Variants in HERC4 observed in about 807,000 individuals in gnomAD.
The protein encoded by HERC4 is probable E3 ubiquitin-protein ligase HERC4.
In HERC4, 28 loss-of-function variants were observed where a neutral mutation model predicts 124.3. The ratio of observed to expected loss-of-function variants is 0.23; its 90% CI spans 0.17 to 0.31. The LOEUF (loss-of-function observed/expected upper bound fraction) is 0.31. Among genes scored for constraint, HERC4 ranks in the 10% least tolerant of loss-of-function variants. The pLI is 1.00. For synonymous variants in HERC4, 407 were observed against 421.5 expected, an observed-to-expected ratio of 0.97 and a Z score of 0.42; for missense variants, 713 against 1,229.3, an observed-to-expected ratio of 0.58 and a Z score of 6.28.
At chr10:67,949,346 C>G (rs1175559598) in intron 19 of HERC4, among the ~76,000 whole-genome samples, 1 of 151,978 alleles carries the variant, frequency 6.6e-6, no homozygotes, top group Non-Finnish European at 1.5e-5. Flanking sequence ...GGATCAGATT[C>G]TACCAAACAT....
chr10:67,957,604 T>C (rs1398599501), intron 16 of HERC4, among the ~76,000 whole-genome samples: 5 of 152,200 alleles, frequency 3.3e-5, no homozygotes, highest in Admixed American at 2.6e-4. Context: ...ATTTTAATAG[T>C]GCAGTAAAAT....
intron 9 of HERC4, among the ~76,000 whole-genome samples, chr10:68,000,259 T>C (rs1203033437): frequency 6.6e-6 from 1 of 152,110 alleles, no homozygotes; most frequent in Non-Finnish European, 1.5e-5. Context: ...GGGGTATTCC[T>C]ATGGATTGAA....
At chr10:67,970,394 C>A (rs1299293715) in intron 15 of HERC4, among the ~76,000 whole-genome samples, 1 of 152,022 alleles carries the variant, frequency 6.6e-6, no homozygotes, top group Non-Finnish European at 1.5e-5. Context: ...GAGTTCAAGA[C>A]CACCCTGGCC....
chr10:68,024,263 C>G (rs1183531904), intron 8 of HERC4, among the ~76,000 whole-genome samples: 1 of 152,038 alleles, frequency 6.6e-6, no homozygotes, highest in Non-Finnish European at 1.5e-5. Context: ...AGCAAAAAGT[C>G]TGACAATACT....
chr10:68,011,273 A>C lies in HERC4; in HGVS notation c.1069+2753T>G, dbSNP rs536778087. On this transcript the variant is annotated intron_variant, in intron 9 of 24. Coordinates refer to ENST00000373700, the MANE Select transcript of HERC4 (RefSeq NM_015601.4). ...CACTACATTGCCCAGGTTGGTCTCA[A>C]ACTCCTGGCTTCAAGCAATCCTCTC... 4.3e-4 allele frequency among the ~76,000 whole-genome samples: 66 copies of C among 152,316 alleles called. 1 individual carries two copies. The South Asian group carries it at 0.013, about 31-fold the overall frequency.
chr10:67,940,685 T>A (rs2032804813), intron 20 of HERC4, among the ~76,000 whole-genome samples: 2 of 152,186 alleles, frequency 1.3e-5, no homozygotes, highest in African/African-American at 4.8e-5. Flanking sequence ...CCTCAGGTGA[T>A]CCACCTGCCT....
Position 67,996,319 on chromosome 10 carries a change from C to T in HERC4, c.1070-3637G>A, listed in dbSNP as rs888971413. Among the ~76,000 whole-genome samples, 99 of 152,034 alleles carry T rather than the reference C, an allele frequency of 6.5e-4. 1 individual carries two copies. The highest frequency in any genetic ancestry group is 1.1e-3 in the Non-Finnish European group (73 of 68,008). On this transcript the variant is annotated intron_variant, in intron 9 of 24. Transcript: ENST00000373700. ...TTTGAAGACCTTGAAATAGACACCC[C>T]CCCTGCCCCACAAGAAACAGTCTTG...
intron 13 of HERC4, 44 bp from the exon 14 acceptor site, chr10:67,990,444 T>C: frequency 3.5e-6 from 3 of 851,844 alleles, no homozygotes; most frequent in South Asian, 4.1e-5. Context: ...TTAAAATGAA[T>C]ACACTTTCAA....
intron 9 of HERC4, among the ~76,000 whole-genome samples, chr10:68,006,369 G>GTTTTTGTTTTTT (rs1339030723): frequency 4.9e-5 from 7 of 142,208 alleles, no homozygotes; most frequent in Non-Finnish European, 9.2e-5. Flanking sequence ...TTTTGTTTTT[G>GTTTTTGTTTTTT]TTTTTGTTTT....
chr10:68,044,377 G>A (rs1218614768), intron 4 of HERC4, 27 bp downstream of exon 4: 29 of 1,588,282 alleles, frequency 1.8e-5, no homozygotes, highest in Non-Finnish European at 2.4e-5. Context: ...AGATTGTTAA[G>A]GACCTCTTTC....
intron 3 of HERC4, among the ~76,000 whole-genome samples, chr10:68,053,347 A>G (rs1361792584): frequency 6.6e-6 from 1 of 151,306 alleles, no homozygotes; most frequent in East Asian, 1.9e-4. Context: ...TCTGTCGCCC[A>G]GGATGGAGTG....
chr10:67,970,903 CAAAG>C (rs1268340596), intron 15 of HERC4, among the ~76,000 whole-genome samples: 2 of 150,722 alleles, frequency 1.3e-5, no homozygotes, highest in East Asian at 1.9e-4. Context: ...CAGAAGGAAA[CAAAG>C]AAATCAATGA....
At chr10:68,044,822 G>T (rs574957832) in intron 3 of HERC4, among the ~76,000 whole-genome samples, 2 of 152,092 alleles carry the variant, frequency 1.3e-5, no homozygotes, top group East Asian at 1.9e-4. Context: ...AATATCAAGT[G>T]ACCTGAACAT....
intron 22 of HERC4, among the ~76,000 whole-genome samples, chr10:67,935,147 ATT>A (rs375653222): frequency 6.0e-5 from 8 of 132,988 alleles, no homozygotes; most frequent in Non-Finnish European, 4.9e-5. Flanking sequence ...ATCGATTTAC[ATT>A]TTTTTTTTTT....
intron 15 of HERC4, among the ~76,000 whole-genome samples, chr10:67,987,604 G>A (rs1376021603): frequency 6.6e-6 from 1 of 152,068 alleles, no homozygotes; most frequent in Non-Finnish European, 1.5e-5. Context: ...TCTGGGTAAA[G>A]GCAAACATAA....
chr10:68,044,381 C>T (rs1355295437), intron 4 of HERC4, 23 bp downstream of exon 4: 1 of 1,591,352 alleles, frequency 6.3e-7, no homozygotes, highest in East Asian at 2.3e-5. Flanking sequence ...TGTTAAGGAC[C>T]TCTTTCTGGT....
intron 15 of HERC4, among the ~76,000 whole-genome samples, chr10:67,980,488 A>G (rs1485688657): frequency 1.3e-5 from 2 of 152,322 alleles, no homozygotes; most frequent in East Asian, 3.9e-4. Flanking sequence ...TATCAACACT[A>G]GACCTGTGGA....
At chr10:68,066,716 A>T (rs1289431979) in intron 3 of HERC4, among the ~76,000 whole-genome samples, 1 of 152,192 alleles carries the variant, frequency 6.6e-6, no homozygotes, top group Non-Finnish European at 1.5e-5. Context: ...GTAGTACAGC[A>T]TAGCAGTTAG....
At chr10:68,047,721 GACA>G (rs2040084863) in intron 3 of HERC4, among the ~76,000 whole-genome samples, 1 of 152,122 alleles carries the variant, frequency 6.6e-6, no homozygotes, top group African/African-American at 2.4e-5. Context: ...ACAAAACACT[GACA>G]ACACCAGTTG....
Sources: allele counts gnomAD v4.1 joint callset (sites outside exome capture counted in the v4.1 genomes callset), GRCh38; gene constraint gnomAD v4.1.1; transcripts MANE v1.5; gene names NCBI Gene and HGNC (gene_info 2026-07-23, HGNC 2026-07-21).